Variants in ZNF606 observed in about 807,000 individuals in gnomAD.
ZNF606 encodes zinc finger protein 328.
A neutral mutation model predicts 74.9 loss-of-function variants in ZNF606; 37 were observed. The observed-to-expected ratio is 0.49, with a 90% CI of 0.38 to 0.65. The LOEUF is 0.65. Among genes scored for constraint, ZNF606 ranks in the 30% least tolerant of loss-of-function variants. The pLI is 0.00. For missense variants in ZNF606, 852 were observed against 952.9 expected (o/e 0.89, Z 1.39); for synonymous variants, 328 against 312.4 (o/e 1.05, Z -0.53).
intron 6 of ZNF606, among the ~76,000 whole-genome samples, chr19:57,987,575 C>T (rs561163730): frequency 8.5e-5 from 13 of 152,132 alleles, no homozygotes; most frequent in Non-Finnish European, 1.6e-4. Context: ...TGCCTGTAAT[C>T]CCAGCACTTT....
In ZNF606 at chr19:57,979,705, G is replaced by C. The variant is rs778411444; in HGVS notation, c.975C>G (p.Ile325Met). The C allele has an allele frequency of 5.0e-6, 8 of 1,613,364 alleles. No homozygotes were observed. The African/African-American group carries it at 8.0e-5, about 16-fold the overall frequency. The change falls in exon 7 of 7, where the codon ATC becomes ATG. Residue 325 changes from isoleucine (I) to methionine (M), a missense_variant. Around this residue, in one of 3 missense-constraint regions of ZNF606, gnomAD observed 545 missense variants for 542.5 expected, o/e 1.00. Coordinates refer to ENST00000551380, the MANE Select transcript of ZNF606 (RefSeq NM_001348022.3). ...KLYEYKECHQ[I>M]FNQSPSFNEH... Reference sequence around the variant, plus strand: ...CATTAAATGATGGGCTCTGGTTAAAGATTTGATGGCATTCCTTATATTCAT... The same window carrying C: ...CATTAAATGATGGGCTCTGGTTAAACATTTGATGGCATTCCTTATATTCAT...
At chr19:57,989,697 T>G (rs938493813) in intron 4 of ZNF606, among the ~76,000 whole-genome samples, 1 of 151,408 alleles carries the variant, frequency 6.6e-6, no homozygotes. Flanking sequence ...TCCGCCCACC[T>G]TGGCCTCCCA....
chr19:57,985,568 TGA>T (rs2073151468), intron 6 of ZNF606, among the ~76,000 whole-genome samples: 1 of 152,018 alleles, frequency 6.6e-6, no homozygotes, highest in African/African-American at 2.4e-5. Flanking sequence ...ATGAAAGAGC[TGA>T]GGAATGAGAT....
chr19:57,988,501 C>T, intron 5 of ZNF606, 94 bp downstream of exon 5: 1 of 1,524,670 alleles, frequency 6.6e-7, no homozygotes, highest in Non-Finnish European at 8.8e-7. Context: ...TTCTGAGACA[C>T]CACCCTCGCC....
At chr19:57,991,474 T>A (rs943179697) in intron 4 of ZNF606, among the ~76,000 whole-genome samples, 1 of 152,212 alleles carries the variant, frequency 6.6e-6, no homozygotes, top group East Asian at 1.9e-4. Context: ...GACTACTGTT[T>A]CTACATTTTA....
Position 57,988,162 on chromosome 19 carries a change from G to A in ZNF606, c.400+45C>T, listed in dbSNP as rs1216779217. The A allele has an allele frequency of 2.6e-6, 4 of 1,528,580 alleles. No homozygotes were observed. The South Asian group carries it at 4.6e-5, about 18-fold the overall frequency. 94.7% of individuals were successfully genotyped at this position (1,528,580 alleles called of 1,614,324 possible). On this transcript the variant is annotated intron_variant, in intron 6 of 6. Coordinates refer to ENST00000551380, the MANE Select transcript of ZNF606 (RefSeq NM_001348022.3). Reference sequence around the variant, plus strand: ...GCCTTATCCCATTTCTCAACAAAGAGGGCTTGGGGGGAAGTTCCTTGTTCA... The same window carrying A: ...GCCTTATCCCATTTCTCAACAAAGAAGGCTTGGGGGGAAGTTCCTTGTTCA...
chr19:57,982,545 A>C (rs2073100666), intron 6 of ZNF606, among the ~76,000 whole-genome samples: 1 of 152,176 alleles, frequency 6.6e-6, no homozygotes, highest in African/African-American at 2.4e-5. Flanking sequence ...AGCCCCAGGC[A>C]GGTCCCAACA....
At chr19:57,987,351 T>A (rs565075702) in intron 6 of ZNF606, among the ~76,000 whole-genome samples, 26 of 151,916 alleles carry the variant, frequency 1.7e-4, no homozygotes, top group Non-Finnish European at 3.7e-4. Flanking sequence ...GCTCAAGCAA[T>A]CCTCACCTCA....
chr19:57,990,115 C>A (rs1213925571), intron 4 of ZNF606, among the ~76,000 whole-genome samples: 1 of 145,210 alleles, frequency 6.9e-6, no homozygotes, highest in African/African-American at 2.6e-5. Flanking sequence ...GTAATCCCAG[C>A]ACTTTGGGAG....
At chr19:58,002,824 G>C (rs1208654292), upstream of ZNF606, 3 of 448,610 alleles carry the variant, frequency 6.7e-6, no homozygotes, top group Non-Finnish European at 1.3e-5. Context: ...GTCGACCGGA[G>C]CGCGCCGCGG....
chr19:58,002,227 T>C (rs1474844746), intron 1 of ZNF606, 169 bp downstream of exon 1: 3 of 456,742 alleles, frequency 6.6e-6, no homozygotes, highest in Admixed American at 2.3e-5. Flanking sequence ...TCACAGTGCT[T>C]TGTGTGAACT....
At position 58,001,281 on chromosome 19, in the gene ZNF606, G is replaced by A. The variant is rs368724969; in HGVS notation, c.31+8C>T. On this transcript the variant is annotated splice_region_variant and intron_variant, in intron 2 of 6. Coordinates refer to ENST00000551380, the MANE Select transcript of ZNF606 (RefSeq NM_001348022.3). ...GGGAGGCCCAGGAGAAACACAACTT[G>A]GACTCACCCCAGGAGGCCCACGGGT... 3.4e-5 allele frequency: 54 copies of A among 1,609,854 alleles called. No homozygotes were observed. The South Asian group carries it at 5.1e-4, about 15-fold the overall frequency.
At chr19:57,994,828 G>A (rs180962805) in intron 4 of ZNF606, among the ~76,000 whole-genome samples, 92 of 152,260 alleles carry the variant, frequency 6.0e-4, no homozygotes, top group African/African-American at 1.2e-3. Flanking sequence ...CTCCCAGAGT[G>A]GGGAGACTGA....
chr19:57,981,212 A>G (rs1184394120), intron 6 of ZNF606, among the ~76,000 whole-genome samples: 3 of 152,154 alleles, frequency 2.0e-5, no homozygotes, highest in East Asian at 3.9e-4. Flanking sequence ...GTGTTGTCAC[A>G]ACTCCTTGCT....
At chr19:57,987,226 G>A (rs1232635251) in intron 6 of ZNF606, among the ~76,000 whole-genome samples, 2 of 152,162 alleles carry the variant, frequency 1.3e-5, no homozygotes, top group Non-Finnish European at 2.9e-5. Context: ...GTGAGTAACA[G>A]CAGGGAGTAA....
intron 6 of ZNF606, among the ~76,000 whole-genome samples, chr19:57,983,478 T>C (rs1306859833): frequency 6.6e-6 from 1 of 151,104 alleles, no homozygotes. Context: ...CTCGGGAGGC[T>C]GAGACAGGAG....
At chr19:57,988,416 G>T in intron 5 of ZNF606, 114 bp from the exon 6 acceptor site, 1 of 1,375,218 alleles carries the variant, frequency 7.3e-7, no homozygotes, top group East Asian at 2.3e-5. Flanking sequence ...AATATGCAAG[G>T]TCCTTCCCAC....
At chr19:57,982,282 A>C (rs1286418557) in intron 6 of ZNF606, among the ~76,000 whole-genome samples, 1 of 151,964 alleles carries the variant, frequency 6.6e-6, no homozygotes, top group Non-Finnish European at 1.5e-5. Context: ...TCATCACTCC[A>C]ACCTCTGCTT....
At chr19:57,983,250 A>T (rs1024877763) in intron 6 of ZNF606, among the ~76,000 whole-genome samples, 6 of 152,124 alleles carry the variant, frequency 3.9e-5, no homozygotes, top group African/African-American at 1.4e-4. Flanking sequence ...GTGAAGAGAG[A>T]TCCTACCAAA....
Sources: allele counts gnomAD v4.1 joint callset (sites outside exome capture counted in the v4.1 genomes callset), GRCh38; gene constraint gnomAD v4.1.1; regional missense constraint gnomAD v4.1.1; transcripts MANE v1.5; gene names NCBI Gene and HGNC (gene_info 2026-07-23, HGNC 2026-07-21).